The following LRP4 variants were observed in gnomAD, a reference collection of about 807,000 sequenced individuals.
The protein encoded by LRP4 is LDL receptor related protein 4.
In LRP4, 95 loss-of-function variants were observed where a neutral mutation model predicts 220.3. The ratio of observed to expected loss-of-function variants is 0.43; its 90% CI spans 0.37 to 0.51. The LOEUF is 0.51. LRP4 is among the 20% of genes least tolerant of loss of function. The probability of loss-of-function intolerance (pLI) is 0.00; values close to 1 mark genes in which losing one functional copy is unlikely to be tolerated. For synonymous variants in LRP4, 903 were observed against 954.6 expected (o/e 0.95, Z 1.00); for missense variants, 1,925 against 2,567.0 (o/e 0.75, Z 5.40).
intron 37 of LRP4, among the ~76,000 whole-genome samples, chr11:46,859,616 G>T (rs1167830351): frequency 6.6e-6 from 1 of 152,114 alleles, no homozygotes; most frequent in Admixed American, 6.5e-5. Context: ...CTAAAACTCA[G>T]TCTCTTAAGA....
At chr11:46,896,577 A>G (rs1383532555) in intron 8 of LRP4, among the ~76,000 whole-genome samples, 1 of 152,234 alleles carries the variant, frequency 6.6e-6, no homozygotes, top group East Asian at 1.9e-4. Flanking sequence ...CACATGCTCA[A>G]TACTGGGTGT....
At chr11:46,859,453 G>C (rs1399926155) in intron 37 of LRP4, 138 bp from the exon 38 acceptor site, 1 of 723,156 alleles carries the variant, frequency 1.4e-6, no homozygotes, top group Non-Finnish European at 2.5e-6. Flanking sequence ...GGGGAAATGT[G>C]ATTAAGACAA....
At chr11:46,915,036 C>T (rs1941926846) in intron 1 of LRP4, among the ~76,000 whole-genome samples, 1 of 152,198 alleles carries the variant, frequency 6.6e-6, no homozygotes. Flanking sequence ...CATGGCCAGA[C>T]TTGGTTCCCT....
intron 36 of LRP4, 62 bp downstream of exon 36, chr11:46,864,386 G>A (rs1940638099): frequency 8.0e-7 from 1 of 1,247,788 alleles, no homozygotes. Context: ...AGCTTCGGGA[G>A]ATCCCAGACA....
At chr11:46,871,921 C>T (rs886853400) in intron 30 of LRP4, among the ~76,000 whole-genome samples, 1 of 152,106 alleles carries the variant, frequency 6.6e-6, no homozygotes, top group Admixed American at 6.5e-5. Flanking sequence ...TTGACTCCTA[C>T]CCAATAATCA....
Position 46,890,181 on chromosome 11 carries a change from G to T in LRP4, c.1916-61C>A. 1 of 1,606,392 alleles carries T rather than the reference G, an allele frequency of 6.2e-7. No individual in the cohort carries two copies. Among genetic ancestry groups the T allele is most frequent in the Admixed American group, 1.7e-5 (1 of 60,004 alleles). ...GGTCTGCCATGTCCCCTGGGCCCAG[G>T]CCTGGCAACTACACAAAACCTCTAC... On this transcript the variant is annotated intron_variant, in intron 14 of 37. Transcript: ENST00000378623. The surrounding 1 kb of genome is among the most constrained non-coding windows in gnomAD (Gnocchi z 5.3).
Position 46,868,644 on chromosome 11 carries a change from ACGAAGT to A in LRP4, c.4901_4906del (p.Asp1634_Phe1635del), listed in dbSNP as rs745683300. ...ATCAGGTTCGTCAGGACAGGCACATACGAAGTCCGAGGCTCTGGCAAAGCAGAGGTG... is the reference window on the plus strand; with the variant it reads ...ATCAGGTTCGTCAGGACAGGCACATACCGAGGCTCTGGCAAAGCAGAGGTG... On this transcript the variant is annotated inframe_deletion, in exon 33 of 38. Coordinates refer to ENST00000378623, the MANE Select transcript of LRP4 (RefSeq NM_002334.4). 6.2e-7 allele frequency: 1 copy of A among 1,614,168 alleles called. No homozygotes were observed. The highest frequency in any genetic ancestry group is 1.7e-5 in the Admixed American group (1 of 60,022).
At chr11:46,916,814 C>T (rs1199735464) in intron 1 of LRP4, among the ~76,000 whole-genome samples, 2 of 152,164 alleles carry the variant, frequency 1.3e-5, no homozygotes, top group Non-Finnish European at 2.9e-5. Context: ...AAGGGGGAAA[C>T]CCCCCAAAAA....
chr11:46,885,373 G>A (rs776267714), intron 18 of LRP4, among the ~76,000 whole-genome samples: 3 of 152,114 alleles, frequency 2.0e-5, no homozygotes, highest in Admixed American at 1.3e-4. Flanking sequence ...ATGCTGCCAC[G>A]CAGAGGAGGC....
rs1024869639 is a variant in LRP4, at chr11:46,871,747, T to C, written c.4584-114A>G. 4 of 741,282 alleles carry C rather than the reference T, an allele frequency of 5.4e-6. No homozygotes were observed. The Admixed American group carries it at 8.0e-5, about 15-fold the overall frequency. 45.9% of individuals were successfully genotyped at this position (741,282 alleles called of 1,614,324 possible). A position where few individuals can be genotyped will look rare whatever the true frequency, so the allele number is the denominator to read the frequency against. On this transcript the variant is annotated intron_variant, in intron 30 of 37. Coordinates refer to ENST00000378623, the MANE Select transcript of LRP4 (RefSeq NM_002334.4). ...GCTGACTGGCAGATGCTATGAGAAC[T>C]CAAGAAGCACCCTCGATGAGGGGTC...
Position 46,898,964 on chromosome 11 carries a change from C to G in LRP4, c.616G>C (p.Asp206His), listed in dbSNP as rs745581446. Reference protein sequence around the residue: ...FQCAYGRCILDIYHCDGDDDC... With the variant: ...FQCAYGRCILHIYHCDGDDDC... ...TCGTCGCCATCGCAGTGGTAGATGT[C>G]GAGGATGCAGCGTCCATAGGCACAC... Residue 206 changes from aspartate (D) to histidine (H), a missense_variant, in exon 6 of 38, where the codon GAC becomes CAC. By Grantham distance (81) the Asp-to-His change is moderately conservative. Coordinates refer to ENST00000378623, the MANE Select transcript of LRP4 (RefSeq NM_002334.4). 1.9e-6 allele frequency: 3 copies of G among 1,613,808 alleles called. No individual in the cohort carries two copies. The highest frequency in any genetic ancestry group is 1.7e-6 in the Non-Finnish European group (2 of 1,179,998).
At chr11:46,889,868 A>AG in intron 15 of LRP4, 76 bp downstream of exon 15, 1 of 1,519,726 alleles carries the variant, frequency 6.6e-7, no homozygotes, top group Middle Eastern at 1.7e-4. Context: ...TCTAAGGGGA[A>AG]GGAAGGTTCT....
intron 16 of LRP4, among the ~76,000 whole-genome samples, 161 bp from the exon 17 acceptor site, chr11:46,886,694 C>A (rs1256287555): frequency 6.6e-6 from 1 of 152,238 alleles, no homozygotes; most frequent in Non-Finnish European, 1.5e-5. Flanking sequence ...TTAAGCACTG[C>A]CATGCTAGCA....
intron 31 of LRP4, among the ~76,000 whole-genome samples, chr11:46,869,472 A>G (rs1940801111): frequency 6.6e-6 from 1 of 152,184 alleles, no homozygotes; most frequent in Non-Finnish European, 1.5e-5. Context: ...TCTAGCACCT[A>G]ACACTCAGTC....
At chr11:46,865,819 C>A (rs910782108) in intron 34 of LRP4, among the ~76,000 whole-genome samples, 1 of 152,078 alleles carries the variant, frequency 6.6e-6, no homozygotes, top group Non-Finnish European at 1.5e-5. Context: ...AAGGTCCGAG[C>A]GGGGTCAAAA....
intron 31 of LRP4, 118 bp from the exon 32 acceptor site, chr11:46,869,250 C>G: frequency 2.1e-6 from 2 of 943,898 alleles, no homozygotes; most frequent in Non-Finnish European, 3.3e-6. Context: ...CTCTTCATCT[C>G]TTCCTCATTT....
At chr11:46,893,448 G>A (rs919037938) in intron 12 of LRP4, among the ~76,000 whole-genome samples, 11 of 152,172 alleles carry the variant, frequency 7.2e-5, no homozygotes, top group African/African-American at 2.7e-4. Flanking sequence ...ACTGACCCAG[G>A]GGTTTGTAAA....
At chr11:46,912,084 C>T (rs924739602) in intron 1 of LRP4, among the ~76,000 whole-genome samples, 2 of 152,232 alleles carry the variant, frequency 1.3e-5, no homozygotes, top group African/African-American at 4.8e-5. Flanking sequence ...GAACTCCTGA[C>T]GTCAAGTGAT....
At chr11:46,900,171 G>T in intron 3 of LRP4, 91 bp downstream of exon 3, 1 of 1,057,018 alleles carries the variant, frequency 9.5e-7, no homozygotes, top group Non-Finnish European at 1.5e-6. Flanking sequence ...AAACACAAGG[G>T]CTCATGTGGA....
Sources: gnomAD v4.1 joint callset for allele counts (sites outside exome capture counted in the v4.1 genomes callset) on GRCh38, gnomAD v4.1.1 for gene constraint, Gnocchi (gnomAD v3.1) non-coding constraint, MANE v1.5 for transcripts, NCBI Gene and HGNC (gene_info 2026-07-23, HGNC 2026-07-21) for gene names.